Variants in SLC25A26 observed in about 807,000 individuals in gnomAD.
SLC25A26 encodes mitochondrial S-adenosylmethionine carrier protein.
In SLC25A26, 36 loss-of-function variants were observed where a neutral mutation model predicts 37.8. That is an observed-to-expected ratio of 0.95 (90% CI 0.73 to 1.26). SLC25A26 has a LOEUF of 1.26. Among genes scored for constraint, SLC25A26 ranks in the 50% most tolerant of loss-of-function variants. SLC25A26 has a pLI of 0.00. For synonymous variants in SLC25A26, 129 were observed against 122.5 expected, an observed-to-expected ratio of 1.05 and a Z score of -0.35; for missense variants, 390 against 331.1, an observed-to-expected ratio of 1.18 and a Z score of -1.38.
chr3:66,150,643 T>TG (rs1268683414), intron 1 of SLC25A26, among the ~76,000 whole-genome samples: 6 of 90,954 alleles, frequency 6.6e-5, no homozygotes, highest in South Asian at 3.5e-4. Context: ...TATATATATA[T>TG]ATATATATAT....
intron 5 of SLC25A26, among the ~76,000 whole-genome samples, chr3:66,282,202 G>A (rs1422393293): frequency 5.3e-5 from 8 of 151,844 alleles, no homozygotes; most frequent in East Asian, 1.9e-4. Flanking sequence ...CAGTAGAGAC[G>A]GGGTTTCACC....
intron 5 of SLC25A26, among the ~76,000 whole-genome samples, chr3:66,316,936 T>C (rs2075556429): frequency 6.6e-6 from 1 of 152,232 alleles, no homozygotes; most frequent in Non-Finnish European, 1.5e-5. Context: ...TCTCATGTTG[T>C]GTTTTTCAAC....
intron 5 of SLC25A26, among the ~76,000 whole-genome samples, chr3:66,330,370 G>A (rs1273619976): frequency 6.6e-6 from 1 of 152,084 alleles, no homozygotes; most frequent in African/African-American, 2.4e-5. Context: ...TGTGACAACA[G>A]GTCAGCCAGA....
At chr3:66,164,368 G>A (rs1280445930) in intron 1 of SLC25A26, among the ~76,000 whole-genome samples, 1 of 152,058 alleles carries the variant, frequency 6.6e-6, no homozygotes. Context: ...CAAAATAGCT[G>A]CCATAGCTCC....
intron 1 of SLC25A26, among the ~76,000 whole-genome samples, chr3:66,174,604 C>G (rs2070548201): frequency 6.6e-6 from 1 of 151,476 alleles, no homozygotes; most frequent in Admixed American, 6.6e-5. Flanking sequence ...CACGGTGAAA[C>G]CCCGTCTCTA....
At chr3:66,225,349 A>G (rs951223962) in intron 1 of SLC25A26, among the ~76,000 whole-genome samples, 6 of 152,148 alleles carry the variant, frequency 3.9e-5, no homozygotes, top group Non-Finnish European at 5.9e-5. Context: ...GAAGCTGCCA[A>G]GGCTTGGGGC....
At chr3:66,338,155 T>C (rs2076132332) in intron 5 of SLC25A26, among the ~76,000 whole-genome samples, 1 of 152,044 alleles carries the variant, frequency 6.6e-6, no homozygotes, top group African/African-American at 2.4e-5. Flanking sequence ...GTAAGGGTTG[T>C]CCATGTTACA....
chr3:66,357,829 TAGTG>T (rs912764533), intron 6 of SLC25A26, among the ~76,000 whole-genome samples: 3 of 152,202 alleles, frequency 2.0e-5, no homozygotes, highest in African/African-American at 7.2e-5. Flanking sequence ...CTGTATATGA[TAGTG>T]AGGAAACAGA....
intron 1 of SLC25A26, among the ~76,000 whole-genome samples, chr3:66,195,542 T>C (rs2071031682): frequency 6.6e-6 from 1 of 152,198 alleles, no homozygotes. Flanking sequence ...TCCCACCACC[T>C]GTTCCTTCAA....
At chr3:66,229,505 A>G (rs1477600768) in intron 1 of SLC25A26, among the ~76,000 whole-genome samples, 1 of 152,166 alleles carries the variant, frequency 6.6e-6, no homozygotes, top group Non-Finnish European at 1.5e-5. Flanking sequence ...TGATGGTTTT[A>G]TAAGTGTCTC....
At chr3:66,250,373 A>C (rs970233339) in intron 3 of SLC25A26, among the ~76,000 whole-genome samples, 14 of 152,228 alleles carry the variant, frequency 9.2e-5, no homozygotes, top group Admixed American at 2.0e-4. Flanking sequence ...GGCATTTTTA[A>C]GAAAAGGAAC....
At chr3:66,184,749 T>A (rs1450807581) in intron 1 of SLC25A26, among the ~76,000 whole-genome samples, 6 of 152,216 alleles carry the variant, frequency 3.9e-5, no homozygotes, top group East Asian at 3.9e-4. Flanking sequence ...TATCTCTGAC[T>A]CTGATATCAT....
At chr3:66,149,598 C>T in intron 1 of SLC25A26, among the ~76,000 whole-genome samples, 1 of 152,116 alleles carries the variant, frequency 6.6e-6, no homozygotes, top group East Asian at 1.9e-4. Context: ...CCTATAATAA[C>T]CCTTAGAAGA....
chr3:66,303,222 A>AC (rs529894651), intron 5 of SLC25A26, among the ~76,000 whole-genome samples: 7 of 152,308 alleles, frequency 4.6e-5, no homozygotes, highest in African/African-American at 1.4e-4. Flanking sequence ...TTCAGTATTT[A>AC]TTTTATGGCC....
At chr3:66,168,218 T>C (rs556879218) in intron 1 of SLC25A26, among the ~76,000 whole-genome samples, 77 of 146,686 alleles carry the variant, frequency 5.2e-4, no homozygotes, top group Middle Eastern at 3.5e-3. Flanking sequence ...CACACACACA[T>C]ATATATCTAC....
intron 1 of SLC25A26, among the ~76,000 whole-genome samples, chr3:66,227,215 GCT>G (rs2071798909): frequency 6.6e-6 from 1 of 152,068 alleles, no homozygotes; most frequent in African/African-American, 2.4e-5. Context: ...TGTTAAATTT[GCT>G]CTCACTTATT....
chr3:66,370,403 C>A, intron 8 of SLC25A26, 126 bp from the exon 9 acceptor site: 1 of 810,816 alleles, frequency 1.2e-6, no homozygotes. Context: ...CAAGAAACTC[C>A]CTGGTATCTG....
At chr3:66,189,220 ATCACCCTGACACTGACT>A (rs2070889498) in intron 1 of SLC25A26, among the ~76,000 whole-genome samples, 1 of 151,564 alleles carries the variant, frequency 6.6e-6, no homozygotes, top group African/African-American at 2.4e-5. Context: ...GACCTTAACC[ATCACCCTGACACTGACT>A]CTGAAATATA....
At chr3:66,137,218 T>C (rs962746764) in intron 1 of SLC25A26, among the ~76,000 whole-genome samples, 23 of 59,028 alleles carry the variant, frequency 3.9e-4, no homozygotes, top group Non-Finnish European at 4.9e-4. Context: ...ATTTTCTTTC[T>C]TTTTTTTTTT....
Sources: gnomAD v4.1 joint callset for allele counts (sites outside exome capture counted in the v4.1 genomes callset) on GRCh38, gnomAD v4.1.1 for gene constraint, MANE v1.5 for transcripts, NCBI Gene and HGNC (gene_info 2026-07-23, HGNC 2026-07-21) for gene names.